Variants in NWD1 observed in about 807,000 individuals in gnomAD.
The protein encoded by NWD1 is NACHT domain- and WD repeat-containing protein 1.
NWD1 carries 129 observed loss-of-function variants against 135.1 expected under a neutral mutation model. The ratio of observed to expected loss-of-function variants is 0.96; its 90% CI spans 0.83 to 1.11. NWD1 has a LOEUF of 1.11. Ranked by LOEUF, NWD1 falls within the 50% of genes least tolerant of loss-of-function variation. The pLI is 0.00. For missense variants in NWD1, 1,740 were observed against 1,851.3 expected, an observed-to-expected ratio of 0.94 and a Z score of 1.10; for synonymous variants, 773 against 786.0, an observed-to-expected ratio of 0.98 and a Z score of 0.28.
At chr19:16,791,716 C>A in intron 14 of NWD1, 94 bp downstream of exon 14, 4 of 1,307,390 alleles carry the variant, frequency 3.1e-6, no homozygotes, top group South Asian at 1.3e-5. Flanking sequence ...TGCCTTGTAT[C>A]TTTGTTTTGT....
rs377756498 is a variant in NWD1 at position 16,736,605 on chromosome 19, T to C, written c.82-29T>C. ...AACAAATCACCTGTCATGCCACCTC[T>C]CTGACAAACTTGTGTTTCTATTTCC... On this transcript the variant is annotated intron_variant, in intron 3 of 18. Transcript: ENST00000524140. 2.9e-6 allele frequency: 4 copies of C among 1,363,448 alleles called. No individual in the cohort carries two copies. The East Asian group carries it at 7.5e-5, about 25-fold the overall frequency. 84.5% of individuals were successfully genotyped at this position (1,363,448 alleles called of 1,614,324 possible).
intron 9 of NWD1, among the ~76,000 whole-genome samples, chr19:16,764,722 C>T (rs1237551322): frequency 6.6e-6 from 1 of 152,152 alleles, no homozygotes; most frequent in East Asian, 1.9e-4. Context: ...CATCCATTCA[C>T]CAATCCCCGT....
At chr19:16,747,915 C>CGAATA (rs1362261474) in intron 5 of NWD1, among the ~76,000 whole-genome samples, 1 of 152,120 alleles carries the variant, frequency 6.6e-6, no homozygotes, top group Non-Finnish European at 1.5e-5. Flanking sequence ...TTTCAATGGC[C>CGAATA]GAATAGTATC....
Position 16,763,859 on chromosome 19 carries a change from C to T in NWD1, c.2165C>T (p.Thr722Met), listed in dbSNP as rs145011343. 45 of 1,613,600 alleles carry T rather than the reference C, an allele frequency of 2.8e-5. No individual in the cohort carries two copies. Among genetic ancestry groups the T allele is most frequent in the Middle Eastern group, 1.6e-4 (1 of 6,080 alleles). ...CCGCAGCCTCTGTGGTTCTCACATA[C>T]GGTTGCAAACCTGCGGAAGCTGAAG... Reference protein sequence around the residue: ...VAPQPLWFSHTVANLRKLKEL... With the variant: ...VAPQPLWFSHMVANLRKLKEL... Residue 722 changes from threonine to methionine, a missense_variant, in exon 9 of 19, where the codon ACG (threonine) becomes ATG (methionine). Transcript: ENST00000524140.
At position 16,736,703 on chromosome 19, in the gene NWD1, G is replaced by A. The variant is rs764106454; in HGVS notation, c.151G>A (p.Glu51Lys). 2.8e-5 allele frequency: 43 copies of A among 1,536,248 alleles called. No individual in the cohort carries two copies. The highest frequency in any genetic ancestry group is 1.7e-5 in the Non-Finnish European group (20 of 1,146,920). The part of the protein sequence containing the change: ...TDHLTTELCL[E>K]EVDRCWKTSI... Reference sequence around the variant, plus strand: ...CCACTTGACCACAGAACTCTGCTTGGAGGAGGTTGACCGGTGTTGGAAAAC... The same window carrying A: ...CCACTTGACCACAGAACTCTGCTTGAAGGAGGTTGACCGGTGTTGGAAAAC... Residue 51 changes from glutamate to lysine, a missense_variant, in exon 4 of 19, where the codon GAG becomes AAG. By Grantham distance (56) the Glu-to-Lys change is moderately conservative. Coordinates refer to ENST00000524140, the MANE Select transcript of NWD1 (RefSeq NM_001007525.5).
At chr19:16,742,740 G>A (rs1442413870) in intron 4 of NWD1, among the ~76,000 whole-genome samples, 4 of 151,362 alleles carry the variant, frequency 2.6e-5, no homozygotes, top group East Asian at 2.0e-4. Context: ...GCGCAATCTC[G>A]GCTCACCACA....
rs1968454691 is a variant in NWD1 at position 16,749,315 on chromosome 19, A to G, written c.673A>G (p.Ser225Gly). ...GGACGCTGATGCCCAGAACCTTCTC[A>G]GCAGCCTCAAAAGTCACATCACTGA... Reference protein sequence around the residue: ...CLDADAQNLLSSLKSHITDMH... With the variant: ...CLDADAQNLLGSLKSHITDMH... The change falls in exon 6 of 19, where the codon AGC (serine) becomes GGC (glycine). Residue 225 changes from serine (S) to glycine (G), a missense_variant. Ser to Gly is a moderately conservative substitution (Grantham distance 56). Transcript: ENST00000524140. The G allele has an allele frequency of 6.2e-7, 1 of 1,613,788 alleles. No homozygotes were observed. The highest frequency in any genetic ancestry group is 8.5e-7 in the Non-Finnish European group (1 of 1,179,942).
At chr19:16,806,754 C>G (rs775449114) in intron 17 of NWD1, among the ~76,000 whole-genome samples, 1 of 152,036 alleles carries the variant, frequency 6.6e-6, no homozygotes, top group African/African-American at 2.4e-5. Flanking sequence ...ATGGCTCATG[C>G]CTGTAATCCC....
rs372480386 is a variant in NWD1, at chr19:16,749,481, G to A, written c.839G>A (p.Arg280His). 63 of 1,611,890 alleles carry A rather than the reference G, an allele frequency of 3.9e-5. No homozygotes were observed. The South Asian group carries it at 4.4e-4, about 11-fold the overall frequency. Residue 280 changes from arginine (R) to histidine (H), a missense_variant, in exon 6 of 19, where the codon CGC becomes CAC. Arg to His is a conservative substitution (Grantham distance 29). Transcript: ENST00000524140. ...AGGGCCAATCACCAGGTCCTCACAC[G>A]CCTCCGTGAGCTGGATACGGCCGGA... ...VVRANHQVLT[R>H]LRELDTAGQE... is the part of the protein sequence containing the mutation.
At chr19:16,791,981 T>G (rs1970263330) in intron 14 of NWD1, among the ~76,000 whole-genome samples, 1 of 152,140 alleles carries the variant, frequency 6.6e-6, no homozygotes, top group Non-Finnish European at 1.5e-5. Context: ...CCCAGAGTAC[T>G]GGGATTACAG....
At chr19:16,811,771 C>T (rs1599569922) in intron 18 of NWD1, among the ~76,000 whole-genome samples, 1 of 152,032 alleles carries the variant, frequency 6.6e-6, no homozygotes, top group East Asian at 1.9e-4. Context: ...GGATCCATCC[C>T]CCTGTGGGGC....
chr19:16,736,495 C>A lies in NWD1; in HGVS notation c.82-139C>A, dbSNP rs74887093. 0.012 allele frequency: 7,381 copies of A among 630,666 alleles called. 376 individuals carry two copies. In the African/African-American group the frequency reaches 0.12, roughly 10 times the overall value. 39.1% of individuals were successfully genotyped at this position (630,666 alleles called of 1,614,324 possible). A position where few individuals can be genotyped will look rare whatever the true frequency, so the allele number is the denominator to read the frequency against. ...TGAGGTTATGAATTTGGTTCAAGTT[C>A]TTTTAATCCAGACATCCCCCTACAG... is the stretch of plus-strand genomic sequence containing the variant. On this transcript the variant is annotated intron_variant, in intron 3 of 18. Coordinates refer to ENST00000524140, the MANE Select transcript of NWD1 (RefSeq NM_001007525.5).
At chr19:16,799,657 C>T (rs1004269373) in intron 16 of NWD1, among the ~76,000 whole-genome samples, 1 of 152,020 alleles carries the variant, frequency 6.6e-6, no homozygotes, top group African/African-American at 2.4e-5. Flanking sequence ...CAGGCATGCA[C>T]CACCAAGCCT....
At chr19:16,723,115 C>T (rs1023199694) in intron 1 of NWD1, among the ~76,000 whole-genome samples, 2 of 152,070 alleles carry the variant, frequency 1.3e-5, no homozygotes, top group Non-Finnish European at 2.9e-5. Flanking sequence ...CTCACTGCAG[C>T]CTCAACCTCC....
At chr19:16,752,973 G>T (rs1473751554) in intron 6 of NWD1, among the ~76,000 whole-genome samples, 2 of 152,180 alleles carry the variant, frequency 1.3e-5, no homozygotes, top group African/African-American at 4.8e-5. Context: ...ACTCCAGTCT[G>T]GGCAACAGAG....
chr19:16,807,911 G>A lies in NWD1; in HGVS notation c.4062G>A (p.Val1354=). 1 of 1,614,192 alleles carries A rather than the reference G, an allele frequency of 6.2e-7. No individual in the cohort carries two copies. The highest frequency in any genetic ancestry group is 8.5e-7 in the Non-Finnish European group (1 of 1,180,032). The change falls in exon 18 of 19, where the codon GTG becomes GTA. Residue 1354 remains valine (V), a synonymous_variant. Transcript: ENST00000524140. ...YTQLPETLSS[V]AILTDYRVVY... is the part of the protein sequence containing the mutation. ...AGCTGCCCGAGACCCTCTCCAGCGT[G>A]GCCATTCTGACGGACTACCGCGTGG...
rs978815594 is a variant in NWD1, at chr19:16,765,202, G to T, written c.2410+10G>T. On this transcript the variant is annotated intron_variant, in intron 10 of 18. Transcript: ENST00000524140. ...GAGCTCCGAGGCATGGGTGAGTCCA[G>T]ATGGCCTGGATAGGAGTGACCAGGA... 6.2e-7 allele frequency: 1 copy of T among 1,613,652 alleles called. No homozygotes were observed. The highest frequency in any genetic ancestry group is 1.3e-5 in the African/African-American group (1 of 74,920).
At chr19:16,794,379 ATAAAAATTAAAAAAT>A in intron 14 of NWD1, 69 bp from the exon 15 acceptor site, 1 of 775,114 alleles carries the variant, frequency 1.3e-6, no homozygotes, top group South Asian at 1.7e-5. Flanking sequence ...AACAAAAAAA[ATAAAAATTAAAAAAT>A]TAAAAAATTC....
intron 2 of NWD1, chr19:16,727,628 C>A (rs1281219576): frequency 1.3e-5 from 2 of 152,804 alleles, no homozygotes; most frequent in Non-Finnish European, 2.9e-5. Flanking sequence ...CCTCCCAGCA[C>A]CTCCACCCAG....
Sources: allele counts gnomAD v4.1 joint callset (sites outside exome capture counted in the v4.1 genomes callset), GRCh38; gene constraint gnomAD v4.1.1; transcripts MANE v1.5; gene names NCBI Gene and HGNC (gene_info 2026-07-23, HGNC 2026-07-21).